POU2F3: variants seen among roughly 807,000 people sequenced by gnomAD.
POU2F3 encodes POU class 2 homeobox 3.
A neutral mutation model predicts 59.2 loss-of-function variants in POU2F3; 23 were observed. That is an observed-to-expected ratio of 0.39 (90% CI 0.28 to 0.55). The LOEUF is 0.55. Ranked by LOEUF, POU2F3 falls within the 20% of genes least tolerant of loss-of-function variation. POU2F3 has a pLI of 0.66. For synonymous variants in POU2F3, 190 were observed against 214.6 expected, an observed-to-expected ratio of 0.89 and a Z score of 1.00; for missense variants, 473 against 544.5, an observed-to-expected ratio of 0.87 and a Z score of 1.31.
chr11:120,309,221 C>T (rs1941588446), intron 9 of POU2F3, among the ~76,000 whole-genome samples: 1 of 152,262 alleles, frequency 6.6e-6, no homozygotes, highest in African/African-American at 2.4e-5. Context: ...TGATTATTCT[C>T]ATTTCATAGA....
chr11:120,279,008 T>C (rs985714977), intron 3 of POU2F3, among the ~76,000 whole-genome samples: 7 of 152,216 alleles, frequency 4.6e-5, no homozygotes, highest in African/African-American at 1.7e-4. Flanking sequence ...TCTGACTGTA[T>C]GCCGGGCATT....
At chr11:120,248,806 T>C (rs1301049244) in intron 2 of POU2F3, among the ~76,000 whole-genome samples, 2 of 152,222 alleles carry the variant, frequency 1.3e-5, no homozygotes, top group Non-Finnish European at 2.9e-5. Context: ...CTCATTTTCT[T>C]TTTACAGAAG....
chr11:120,305,238 A>G, intron 7 of POU2F3, 26 bp downstream of exon 7: 14 of 1,606,740 alleles, frequency 8.7e-6, no homozygotes, highest in Non-Finnish European at 1.2e-5. Context: ...AAAAGATAGA[A>G]GAAGTCTAGC....
chr11:120,252,497 C>T (rs192451540), intron 2 of POU2F3, among the ~76,000 whole-genome samples: 196 of 152,298 alleles, frequency 1.3e-3, no homozygotes, highest in Non-Finnish European at 2.2e-3. Context: ...CATGAGCCTC[C>T]GCACCCAGCC....
Position 120,309,494 on chromosome 11 carries a change from A to G in POU2F3, c.976A>G (p.Arg326Gly), listed in dbSNP as rs1307900653. The G allele has an allele frequency of 6.2e-7, 1 of 1,613,972 alleles. No individual in the cohort carries two copies. Among genetic ancestry groups the G allele is most frequent in the Admixed American group, 1.7e-5 (1 of 60,012 alleles). The change falls in exon 10 of 13, where the codon AGG (arginine) becomes GGG (glycine). Residue 326 changes from arginine (R) to glycine (G), a missense_variant. Coordinates refer to ENST00000543440, the MANE Select transcript of POU2F3 (RefSeq NM_014352.4). ...GTTGTCCATGGAGAAGGAGGTGGTG[A>G]GGGTCTGGTTCTGCAACCGACGCCA... ...EQLSMEKEVV[R>G]VWFCNRRQKE... is the part of the protein sequence containing the mutation.
At chr11:120,239,190 TG>T, upstream of POU2F3, among the ~76,000 whole-genome samples, 1 of 152,340 alleles carries the variant, frequency 6.6e-6, no homozygotes, top group Non-Finnish European at 1.5e-5. Context: ...GAGTCCTGTC[TG>T]GGAAGGAAAG....
At chr11:120,305,408 A>C in intron 7 of POU2F3, 196 bp downstream of exon 7, 2 of 873,688 alleles carry the variant, frequency 2.3e-6, no homozygotes. Context: ...GGAGAATGAG[A>C]GGTGGAAAAG....
At chr11:120,245,761 T>C (rs1050804548) in intron 1 of POU2F3, among the ~76,000 whole-genome samples, 2 of 152,150 alleles carry the variant, frequency 1.3e-5, no homozygotes, top group Non-Finnish European at 2.9e-5. Flanking sequence ...GGTGTAGGTA[T>C]TCTCTTTCTG....
intron 4 of POU2F3, 76 bp from the exon 5 acceptor site, chr11:120,299,548 G>T: frequency 7.3e-7 from 1 of 1,363,374 alleles, no homozygotes; most frequent in Admixed American, 1.8e-5. Flanking sequence ...CCCTGGGACG[G>T]ACGAGTGGCA....
At chr11:120,248,508 G>A (rs904304895) in intron 2 of POU2F3, among the ~76,000 whole-genome samples, 4 of 152,200 alleles carry the variant, frequency 2.6e-5, no homozygotes, top group Admixed American at 1.3e-4. Flanking sequence ...GGGCATCGCT[G>A]CTGAGTACTT....
intron 2 of POU2F3, among the ~76,000 whole-genome samples, chr11:120,264,765 C>T (rs1461108351): frequency 6.6e-6 from 1 of 152,198 alleles, no homozygotes; most frequent in Non-Finnish European, 1.5e-5. Context: ...TGATGGAGCT[C>T]AGGCTCGAAC....
intron 1 of POU2F3, among the ~76,000 whole-genome samples, 177 bp from the exon 2 acceptor site, chr11:120,246,272 G>A (rs1938871464): frequency 6.6e-6 from 1 of 152,142 alleles, no homozygotes; most frequent in African/African-American, 2.4e-5. Context: ...GGGAGGAGGG[G>A]ATCCGTGCCC....
At chr11:120,248,566 T>C (rs1370658147) in intron 2 of POU2F3, among the ~76,000 whole-genome samples, 1 of 152,068 alleles carries the variant, frequency 6.6e-6, no homozygotes, top group Admixed American at 6.5e-5. Context: ...GCCCGGAAGG[T>C]TGGTTTTGCT....
chr11:120,318,567 G>A lies in POU2F3; in HGVS notation c.*175G>A. 1.6e-6 allele frequency: 1 copy of A among 639,698 alleles called. No homozygotes were observed. Among genetic ancestry groups the A allele is most frequent in the Non-Finnish European group, 2.7e-6 (1 of 368,168 alleles). The allele number at this position is 639,698 out of a possible 1,614,324, so 39.6% of individuals were successfully genotyped here. A position where few individuals can be genotyped will look rare whatever the true frequency, so the allele number is the denominator to read the frequency against. On this transcript the variant is annotated 3_prime_UTR_variant, in exon 13 of 13. Coordinates refer to ENST00000543440, the MANE Select transcript of POU2F3 (RefSeq NM_014352.4). ...AAGGGCCTCCGGAGATCCAAACTGT[G>A]ATTGAACCAAGTGCAGACTCCTAAT...
chr11:120,258,335 G>C (rs1238653680), intron 2 of POU2F3, among the ~76,000 whole-genome samples: 1 of 152,146 alleles, frequency 6.6e-6, no homozygotes, highest in Non-Finnish European at 1.5e-5. Flanking sequence ...AGCGGTGCTG[G>C]TCTGGAATCA....
At chr11:120,258,231 C>T (rs1006425784) in intron 2 of POU2F3, among the ~76,000 whole-genome samples, 2 of 152,116 alleles carry the variant, frequency 1.3e-5, no homozygotes, top group African/African-American at 4.8e-5. Flanking sequence ...CTTTCCTCAC[C>T]CTGGGGGAGA....
chr11:120,250,376 T>C (rs1409764851), intron 2 of POU2F3: 1 of 152,244 alleles, frequency 6.6e-6, no homozygotes, highest in Non-Finnish European at 1.5e-5. Flanking sequence ...CTCAAGGAGT[T>C]GTCCTTCTAG....
chr11:120,290,606 C>A (rs1350771595), intron 3 of POU2F3, among the ~76,000 whole-genome samples: 1 of 152,206 alleles, frequency 6.6e-6, no homozygotes, highest in Non-Finnish European at 1.5e-5. Context: ...TGCTTAAATT[C>A]TCTGAGCCTT....
At chr11:120,274,151 G>GGAAGGAAGGAAA (rs1940223101) in intron 3 of POU2F3, among the ~76,000 whole-genome samples, 1 of 147,142 alleles carries the variant, frequency 6.8e-6, no homozygotes, top group Non-Finnish European at 1.5e-5. Flanking sequence ...AAGGAAGGAA[G>GGAAGGAAGGAAA]GAAGGAAATG....
Sources: gnomAD v4.1 joint callset for allele counts (sites outside exome capture counted in the v4.1 genomes callset) on GRCh38, gnomAD v4.1.1 for gene constraint, MANE v1.5 for transcripts, NCBI Gene and HGNC (gene_info 2026-07-23, HGNC 2026-07-21) for gene names.